Variants in FANCA observed in about 807,000 individuals in gnomAD.
FANCA encodes the protein FA complementation group A.
In FANCA, 236 loss-of-function variants were observed where a neutral mutation model predicts 194.3. The observed-to-expected ratio is 1.21, with a 90% CI of 1.09 to 1.35. The LOEUF (loss-of-function observed/expected upper bound fraction) is 1.35. Among genes scored for constraint, FANCA ranks in the 40% most tolerant of loss-of-function variants. The probability of loss-of-function intolerance (pLI) is 0.00; values close to 1 mark genes in which losing one functional copy is unlikely to be tolerated. For missense variants in FANCA, 2,628 were observed against 1,813.9 expected (o/e 1.45, Z -8.15); for synonymous variants, 1,014 against 715.8 (o/e 1.42, Z -6.65).
intron 30 of FANCA, among the ~76,000 whole-genome samples, chr16:89,755,010 T>A (rs572377540): frequency 6.6e-6 from 1 of 152,164 alleles, no homozygotes; most frequent in East Asian, 1.9e-4. Context: ...CAAAGCTTCA[T>A]CCCAATGACG....
At chr16:89,758,916 A>T (rs1413305929) in intron 29 of FANCA, among the ~76,000 whole-genome samples, 1 of 151,930 alleles carries the variant, frequency 6.6e-6, no homozygotes, top group African/African-American at 2.4e-5. Flanking sequence ...CTCAGGAGTG[A>T]CCTTTGTGAC....
intron 20 of FANCA, 200 bp downstream of exon 20, chr16:89,778,601 C>A: frequency 1.8e-6 from 1 of 549,754 alleles, no homozygotes; most frequent in East Asian, 3.3e-5. Context: ...GCACTCCAAG[C>A]CTGGGTGACA....
intron 27 of FANCA, among the ~76,000 whole-genome samples, chr16:89,765,635 C>T (rs1438693639): frequency 6.6e-6 from 1 of 152,258 alleles, no homozygotes; most frequent in Non-Finnish European, 1.5e-5. Context: ...AAAATGCACA[C>T]CAACTGGACA....
At chr16:89,758,972 G>C (rs965613633) in intron 29 of FANCA, among the ~76,000 whole-genome samples, 1 of 152,042 alleles carries the variant, frequency 6.6e-6, no homozygotes, top group East Asian at 1.9e-4. Flanking sequence ...CATCCCACGG[G>C]GTAACTGCTG....
intron 10 of FANCA, among the ~76,000 whole-genome samples, chr16:89,796,330 C>T (rs146475863): frequency 3.3e-5 from 5 of 152,224 alleles, no homozygotes; most frequent in Non-Finnish European, 7.4e-5. Context: ...GGGCAGGCCG[C>T]GCCGCACCCG....
At chr16:89,807,990 G>A (rs1421315842) in intron 6 of FANCA, among the ~76,000 whole-genome samples, 2 of 152,238 alleles carry the variant, frequency 1.3e-5, no homozygotes, top group Middle Eastern at 3.4e-3. Flanking sequence ...CCCTGGAGGT[G>A]GAGGTTGTAG....
At position 89,814,587 on chromosome 16, in the gene FANCA, C is replaced by G. The variant is rs1203538652; in HGVS notation, c.216G>C (p.Leu72Phe). Residue 72 changes from leucine to phenylalanine, a missense_variant, in exon 3 of 43, where the codon TTG (leucine) becomes TTC (phenylalanine). Leu to Phe is a conservative substitution (Grantham distance 22). Transcript: ENST00000389301. Reference sequence around the variant, plus strand: ...CACAGTCAATCACTTTGCTGAGAGACAATTTTTTACACAGTGGACCTTCTA... The same window carrying G: ...CACAGTCAATCACTTTGCTGAGAGAGAATTTTTTACACAGTGGACCTTCTA... ...LEVEGPLCKK[L>F]SLSKVIDCDS... is the part of the protein sequence containing the mutation. The G allele has an allele frequency of 3.1e-6, 5 of 1,613,760 alleles. No individual in the cohort carries two copies. Among genetic ancestry groups the G allele is most frequent in the Non-Finnish European group, 3.4e-6 (4 of 1,179,682 alleles).
chr16:89,806,491 C>T (rs981855421), intron 6 of FANCA, among the ~76,000 whole-genome samples: 2 of 151,620 alleles, frequency 1.3e-5, no homozygotes, highest in Non-Finnish European at 2.9e-5. Context: ...GCAGAGGACC[C>T]TGAGGCCTTC....
chr16:89,783,932 T>C lies in FANCA; in HGVS notation c.1471-830A>G, dbSNP rs1219414054. 2.0e-5 allele frequency among the ~76,000 whole-genome samples: 3 copies of C among 152,270 alleles called. No homozygotes were observed. In the East Asian group the frequency reaches 5.8e-4, roughly 30 times the overall value. ...GCGCGCTACCACGCCCGGCTAATTT[T>C]GTATTTTCAGTAGACAGGGGGTTTC... On this transcript the variant is annotated intron_variant, in intron 15 of 42. Coordinates refer to ENST00000389301, the MANE Select transcript of FANCA (RefSeq NM_000135.4).
chr16:89,766,181 G>C (rs1170573122), intron 27 of FANCA, among the ~76,000 whole-genome samples: 1 of 150,910 alleles, frequency 6.6e-6, no homozygotes, highest in African/African-American at 2.4e-5. Flanking sequence ...ATTTTTAGTA[G>C]AGACCAGGTT....
intron 6 of FANCA, among the ~76,000 whole-genome samples, chr16:89,808,093 A>AAC (rs2040731598): frequency 1.5e-5 from 2 of 131,822 alleles, no homozygotes; most frequent in Non-Finnish European, 3.4e-5. Context: ...CAAAACCAAA[A>AAC]CACCATAAAC....
intron 22 of FANCA, 90 bp downstream of exon 22, chr16:89,773,181 G>C (rs1390722505): frequency 7.0e-6 from 7 of 1,003,696 alleles, no homozygotes; most frequent in Admixed American, 2.0e-5. Flanking sequence ...ACACCAGCCT[G>C]ATGTCACTAT....
chr16:89,805,394 TG>T lies in FANCA; in HGVS notation c.597-3del. On this transcript the variant is annotated splice_polypyrimidine_tract_variant and splice_region_variant and intron_variant, in intron 6 of 42. Transcript: ENST00000389301. ...CCCACAGCATGCATGTCGGGATGGC[TG>T]GAGACACACACAGAGGCAGACGTAA... 6.2e-7 allele frequency: 1 copy of T among 1,610,476 alleles called. No individual in the cohort carries two copies. Among genetic ancestry groups the T allele is most frequent in the Non-Finnish European group, 8.5e-7 (1 of 1,176,902 alleles).
Position 89,778,810 on chromosome 16 carries a change from G to A in FANCA, c.1817C>T (p.Ser606Phe). 1.2e-6 allele frequency: 2 copies of A among 1,613,986 alleles called. No homozygotes were observed. The highest frequency in any genetic ancestry group is 1.7e-6 in the Non-Finnish European group (2 of 1,179,984). The change falls in exon 20 of 43, where the codon TCT becomes TTT. Residue 606 changes from serine to phenylalanine, a missense_variant. By Grantham distance (155) the Ser-to-Phe change is radical. Transcript: ENST00000389301. ...AACCGTTGCTGCATACCTCTTCAGA[G>A]ACTCTATAAACGCCACACGGGAGTC... ...VPDSRVAFIE[S>F]LKRADKIPPS... is the part of the protein sequence containing the mutation.
intron 17 of FANCA, 104 bp downstream of exon 17, chr16:89,782,755 G>C (rs1049313280): frequency 3.9e-5 from 41 of 1,038,804 alleles, no homozygotes; most frequent in Non-Finnish European, 5.6e-5. Context: ...GACCAGACAT[G>C]AGACTGGGAA....
chr16:89,788,333 C>A (rs1288342773), intron 14 of FANCA, among the ~76,000 whole-genome samples: 1 of 152,062 alleles, frequency 6.6e-6, no homozygotes, highest in Non-Finnish European at 1.5e-5. Flanking sequence ...TGGTGGCAGG[C>A]ACCTGTAGTC....
rs749080227 is a variant in FANCA, at chr16:89,815,994, G to C, written c.80-8C>G. 22 of 1,606,640 alleles carry C rather than the reference G, an allele frequency of 1.4e-5. No homozygotes were observed. Among genetic ancestry groups the C allele is most frequent in the Non-Finnish European group, 1.9e-5 (22 of 1,173,336 alleles). On this transcript the variant is annotated splice_region_variant and splice_polypyrimidine_tract_variant and intron_variant, in intron 1 of 42. Coordinates refer to ENST00000389301, the MANE Select transcript of FANCA (RefSeq NM_000135.4). ...CCCTCTTGACCCTTCCCGCTACGGA[G>C]AGAAGTCGGTTCGAAACCATCACAG...
chr16:89,749,883 T>C lies in FANCA; in HGVS notation c.3086A>G (p.Glu1029Gly), dbSNP rs1247181693. The C allele has an allele frequency of 2.5e-6, 4 of 1,613,998 alleles. No individual in the cohort carries two copies. The highest frequency in any genetic ancestry group is 3.4e-6 in the Non-Finnish European group (4 of 1,180,028). Residue 1029 changes from glutamate to glycine, a missense_variant, in exon 32 of 43, where the codon GAG becomes GGG. Transcript: ENST00000389301. The part of the protein sequence containing the change: ...SRLQEMVADL[E>G]LQQDLIVPLG... Reference sequence around the variant, plus strand: ...AGGCACTATGAGGTCTTGCTGCAGCTCCAGGTCAGCTACCATCTCCTGAAA... The same window carrying C: ...AGGCACTATGAGGTCTTGCTGCAGCCCCAGGTCAGCTACCATCTCCTGAAA...
rs1800342 is a variant in FANCA, at chr16:89,770,143, G to A, written c.2316+23C>T. 9.1e-4 allele frequency: 1,441 copies of A among 1,575,384 alleles called. 12 individuals are homozygous for A. In the African/African-American group the frequency reaches 0.017, roughly 19 times the overall value. On this transcript the variant is annotated intron_variant, in intron 25 of 42. Coordinates refer to ENST00000389301, the MANE Select transcript of FANCA (RefSeq NM_000135.4). ...CCCTCAGAGTGGGCCCCCAAGGGTG[G>A]CCCCCATGAAGGAGAGCCTCACCTG...
Sources: allele counts gnomAD v4.1 joint callset (sites outside exome capture counted in the v4.1 genomes callset), GRCh38; gene constraint gnomAD v4.1.1; transcripts MANE v1.5; gene names NCBI Gene and HGNC (gene_info 2026-07-23, HGNC 2026-07-21).